AUTS2: variants seen among roughly 807,000 people sequenced by gnomAD.
AUTS2 encodes the protein activator of transcription and developmental regulator AUTS2.
In AUTS2, 17 loss-of-function variants were observed where a neutral mutation model predicts 112.4. The observed-to-expected ratio is 0.15, with a 90% CI of 0.10 to 0.23. The LOEUF (loss-of-function observed/expected upper bound fraction) is 0.23. Ranked by LOEUF, AUTS2 falls within the 10% of genes least tolerant of loss-of-function variation. The pLI is 1.00. For synonymous variants in AUTS2, 751 were observed against 702.7 expected (o/e 1.07, Z -1.09); for missense variants, 1,510 against 1,701.6 (o/e 0.89, Z 1.98).
chr7:69,887,465 G>T (rs981587704), intron 1 of AUTS2, among the ~76,000 whole-genome samples: 5 of 151,230 alleles, frequency 3.3e-5, no homozygotes, highest in Admixed American at 1.3e-4. Context: ...GTTGCTGAAG[G>T]GAAGCTAGAA....
At chr7:69,624,860 G>C (rs1210353765) in intron 1 of AUTS2, among the ~76,000 whole-genome samples, 2 of 152,212 alleles carry the variant, frequency 1.3e-5, no homozygotes, top group Non-Finnish European at 2.9e-5. Flanking sequence ...ACTGAAATCT[G>C]TTATGGCACT....
chr7:70,438,195 GCCTGGGTTT>G lies in AUTS2; in HGVS notation c.690+2417_690+2425del, dbSNP rs1249284597. ...TCACCTGAATTCCTGAGTAGTTATTGCCTGGGTTTCCATCTCTAAGTGCAAGAAGTAAAG... is the reference window on the plus strand; with the variant it reads ...TCACCTGAATTCCTGAGTAGTTATTGCCATCTCTAAGTGCAAGAAGTAAAG... On this transcript the variant is annotated intron_variant, in intron 5 of 18. Transcript: ENST00000342771. Among the ~76,000 whole-genome samples, 5 of 152,246 alleles carry G rather than the reference GCCTGGGTTT, an allele frequency of 3.3e-5. No homozygotes were observed. The East Asian group carries it at 9.7e-4, about 29-fold the overall frequency.
chr7:70,697,569 C>CCG (rs1274708238), intron 5 of AUTS2, among the ~76,000 whole-genome samples: 1 of 142,954 alleles, frequency 7.0e-6, no homozygotes, highest in Non-Finnish European at 1.5e-5. Flanking sequence ...TTCCCCCCCC[C>CCG]CATTTCCTAT....
intron 2 of AUTS2, among the ~76,000 whole-genome samples, chr7:70,007,064 T>C (rs1250815380): frequency 6.6e-6 from 1 of 152,168 alleles, no homozygotes; most frequent in Non-Finnish European, 1.5e-5. Context: ...TTAATTACTT[T>C]TTTTACACCT....
At chr7:69,655,031 AGT>A (rs1795460035) in intron 1 of AUTS2, among the ~76,000 whole-genome samples, 1 of 152,174 alleles carries the variant, frequency 6.6e-6, no homozygotes, top group South Asian at 2.1e-4. Context: ...ACAGGCAGCA[AGT>A]GTGTCGCCCA....
intron 4 of AUTS2, among the ~76,000 whole-genome samples, chr7:70,140,475 C>T (rs1234906885): frequency 6.6e-6 from 1 of 152,074 alleles, no homozygotes; most frequent in African/African-American, 2.4e-5. Context: ...GTTTTAGTTT[C>T]AGAAGTACAG....
chr7:70,107,534 G>A (rs1562700221), intron 2 of AUTS2, among the ~76,000 whole-genome samples: 1 of 148,908 alleles, frequency 6.7e-6, no homozygotes, highest in Non-Finnish European at 1.5e-5. Flanking sequence ...AGTAGAGATG[G>A]GGTTTCACCT....
chr7:70,785,586 C>A (rs937233568), intron 16 of AUTS2: 1 of 443,344 alleles, frequency 2.3e-6, no homozygotes, highest in Non-Finnish European at 4.5e-6. Flanking sequence ...CTCAGAGTTT[C>A]ATCATGGATT....
intron 5 of AUTS2, among the ~76,000 whole-genome samples, chr7:70,658,519 G>A (rs1806898861): frequency 6.6e-6 from 1 of 152,196 alleles, no homozygotes; most frequent in African/African-American, 2.4e-5. Context: ...AACTCCCTCT[G>A]AGTTACCTCA....
intron 4 of AUTS2, among the ~76,000 whole-genome samples, chr7:70,217,335 G>A (rs1811221130): frequency 6.6e-6 from 1 of 152,202 alleles, no homozygotes; most frequent in African/African-American, 2.4e-5. Flanking sequence ...GATAAAGTAT[G>A]TGGGTGACAT....
chr7:69,878,253 T>TAGTAGGAGAACCCTAAGGTGG (rs1464001583), intron 1 of AUTS2, among the ~76,000 whole-genome samples: 1 of 152,044 alleles, frequency 6.6e-6, no homozygotes, highest in African/African-American at 2.4e-5. Context: ...CAATGGTTTG[T>TAGTAGGAGAACCCTAAGGTGG]AGTAGGAGAA....
chr7:69,686,131 T>C (rs1030722837), intron 1 of AUTS2, among the ~76,000 whole-genome samples: 2 of 152,206 alleles, frequency 1.3e-5, no homozygotes, highest in Non-Finnish European at 2.9e-5. Flanking sequence ...TATGCCAATA[T>C]AAGAAATAAT....
intron 1 of AUTS2, among the ~76,000 whole-genome samples, chr7:69,699,834 G>A (rs540125055): frequency 4.1e-4 from 62 of 151,964 alleles, no homozygotes; most frequent in Admixed American, 8.5e-4. Flanking sequence ...TAGTAAAGAC[G>A]GGGTTTCGCC....
intron 16 of AUTS2, among the ~76,000 whole-genome samples, 199 bp downstream of exon 16, chr7:70,785,218 C>T (rs1414664088): frequency 7.2e-5 from 11 of 152,246 alleles, no homozygotes; most frequent in Admixed American, 1.3e-4. Flanking sequence ...ACACCGCATT[C>T]TTTCGGTAGT....
intron 4 of AUTS2, among the ~76,000 whole-genome samples, chr7:70,407,025 A>T (rs920370403): frequency 6.6e-6 from 1 of 152,198 alleles, no homozygotes; most frequent in African/African-American, 2.4e-5. Context: ...ATATGCCAAA[A>T]ACTGAGCTGG....
chr7:69,859,977 G>C (rs1792901863), intron 1 of AUTS2, among the ~76,000 whole-genome samples: 1 of 152,092 alleles, frequency 6.6e-6, no homozygotes, highest in Non-Finnish European at 1.5e-5. Context: ...AGCAATGGGG[G>C]AGACTGAAGA....
chr7:70,535,719 G>A (rs1277286054), intron 5 of AUTS2, among the ~76,000 whole-genome samples: 1 of 152,132 alleles, frequency 6.6e-6, no homozygotes, highest in African/African-American at 2.4e-5. Context: ...CCAGCCTGTT[G>A]TGTTGTTTTC....
chr7:70,548,352 T>C (rs1279175330), intron 5 of AUTS2, among the ~76,000 whole-genome samples: 1 of 152,164 alleles, frequency 6.6e-6, no homozygotes, highest in Non-Finnish European at 1.5e-5. Context: ...AAATATTTTC[T>C]CCCAGTCAGT....
At chr7:70,432,127 G>A (rs1282742103) in intron 4 of AUTS2, among the ~76,000 whole-genome samples, 3 of 152,144 alleles carry the variant, frequency 2.0e-5, no homozygotes, top group Non-Finnish European at 2.9e-5. Context: ...AGAGTACTTC[G>A]TCACCTCAAG....
Sources: allele counts gnomAD v4.1 joint callset (sites outside exome capture counted in the v4.1 genomes callset), GRCh38; gene constraint gnomAD v4.1.1; transcripts MANE v1.5; gene names NCBI Gene and HGNC (gene_info 2026-07-23, HGNC 2026-07-21).